Variants in BTK observed in about 807,000 individuals in gnomAD.
BTK encodes tyrosine-protein kinase BTK.
A neutral mutation model predicts 57.4 loss-of-function variants in BTK; 5 were observed. That is an observed-to-expected ratio of 0.09 (90% CI 0.05 to 0.18). The LOEUF (loss-of-function observed/expected upper bound fraction) is 0.18. BTK is among the 10% of genes least tolerant of loss of function. The pLI, the probability that BTK is intolerant of heterozygous loss-of-function variation, is 1.00. For missense variants in BTK, 194 were observed against 501.2 expected, an observed-to-expected ratio of 0.39 and a Z score of 5.85; for synonymous variants, 154 against 174.3, an observed-to-expected ratio of 0.88 and a Z score of 0.92.
chrX:101,360,840 G>T, intron 7 of BTK, 85 bp from the exon 8 acceptor site: 1 of 955,937 alleles, frequency 1.0e-6, no homozygotes. Flanking sequence ...GCTTACTCAA[G>T]ACACCCAAAT....
intron 5 of BTK, among the ~76,000 whole-genome samples, chrX:101,365,475 G>A (rs1414745781): frequency 8.9e-6 from 1 of 112,061 alleles, no homozygotes; most frequent in Non-Finnish European, 1.9e-5. Context: ...CTAATCCAAA[G>A]CTGGTATTTC....
intron 13 of BTK, 104 bp downstream of exon 13, chrX:101,357,405 T>C: frequency 1.4e-6 from 1 of 735,080 alleles, no homozygotes; most frequent in Non-Finnish European, 2.2e-6. Context: ...TTGAGGCAGC[T>C]GCTGCAGAAC....
intron 1 of BTK, among the ~76,000 whole-genome samples, chrX:101,380,547 T>C (rs1927376334): frequency 9.0e-6 from 1 of 111,683 alleles, no homozygotes; most frequent in Non-Finnish European, 1.9e-5. Flanking sequence ...AGAAGTGAGA[T>C]ACAATCTATA....
upstream of BTK, chrX:101,390,767 A>T (rs1368492271): frequency 8.6e-6 from 4 of 463,714 alleles, no homozygotes; most frequent in African/African-American, 9.7e-5. Context: ...ACTACGTAGC[A>T]GAGTCCACCA....
intron 4 of BTK, among the ~76,000 whole-genome samples, chrX:101,371,238 C>T (rs1555980251): frequency 8.9e-6 from 1 of 112,031 alleles, no homozygotes; most frequent in Non-Finnish European, 1.9e-5. Context: ...CTTCCTCATA[C>T]TGAACTTCCT....
chrX:101,363,900 A>G (rs1326931662), intron 5 of BTK, among the ~76,000 whole-genome samples: 3 of 84,174 alleles, frequency 3.6e-5, no homozygotes, highest in South Asian at 1.3e-3. Flanking sequence ...TATTATTATT[A>G]TTATTATTAT....
At chrX:101,368,502 G>C (rs1926929250) in intron 5 of BTK, among the ~76,000 whole-genome samples, 1 of 112,047 alleles carries the variant, frequency 8.9e-6, no homozygotes, top group East Asian at 2.8e-4. Flanking sequence ...TTCACTGTGT[G>C]CCCATGAGCA....
intron 18 of BTK, among the ~76,000 whole-genome samples, chrX:101,351,681 C>T (rs938554182): frequency 9.8e-5 from 11 of 111,688 alleles, no homozygotes; most frequent in Non-Finnish European, 1.9e-5. Flanking sequence ...GTAGAGAAGG[C>T]ATCTTGGGAA....
intron 1 of BTK, among the ~76,000 whole-genome samples, chrX:101,375,804 C>T (rs1236660404): frequency 8.9e-6 from 1 of 111,779 alleles, no homozygotes; most frequent in Non-Finnish European, 1.9e-5. Flanking sequence ...CAAACATTGT[C>T]CCACTGGGGT....
rs374956646 is a variant in BTK, at chrX:101,369,192, ATATT to A, written c.391+802_391+805del. Among the ~76,000 whole-genome samples the A allele has an allele frequency of 9.1e-4, 102 of 112,569 alleles. 1 individual carries two copies. Among genetic ancestry groups the A allele is most frequent in the African/African-American group, 3.0e-3 (94 of 31,046 alleles). ...GGAATATGAAATATTTCCTTGGGAA[ATATT>A]TATCCACAACAAAGAGATGTACAGT... On this transcript the variant is annotated intron_variant, in intron 5 of 18. Coordinates refer to ENST00000308731, the MANE Select transcript of BTK (RefSeq NM_000061.3).
At chrX:101,375,393 G>A (rs1419790839) in intron 1 of BTK, 79 bp from the exon 2 acceptor site, 38 of 990,588 alleles carry the variant, frequency 3.8e-5, no homozygotes, top group Non-Finnish European at 5.1e-5. Flanking sequence ...TAGCTACCTA[G>A]TTTCAAATGG....
intron 3 of BTK, 32 bp downstream of exon 3, chrX:101,374,504 G>A (rs974126365): frequency 1.3e-5 from 15 of 1,119,404 alleles, no homozygotes; most frequent in African/African-American, 1.8e-5. Context: ...CAAATCTGCT[G>A]TTCCCCATCT....
At chrX:101,382,789 G>A (rs1322679386) in intron 1 of BTK, among the ~76,000 whole-genome samples, 2 of 111,252 alleles carry the variant, frequency 1.8e-5, no homozygotes, top group African/African-American at 6.5e-5. Context: ...CTGGACTTGT[G>A]TGCCCTTTTG....
At position 101,353,271 on chromosome X, in the gene BTK, C is replaced by A. The variant is rs1555977331; in HGVS notation, c.1831G>T (p.Ala611Ser). The A allele has an allele frequency of 8.3e-7, 1 of 1,209,037 alleles. No homozygotes were observed. The highest frequency in any genetic ancestry group is 1.1e-6 in the Non-Finnish European group (1 of 893,386). Residue 611 changes from alanine (A) to serine (S), a missense_variant, in exon 18 of 19, where the codon GCC (alanine) becomes TCC (serine). Physicochemically the swap from Ala to Ser is moderately conservative, Grantham distance 99. Around this residue, in one of 3 missense-constraint regions of BTK, gnomAD observed 79 missense variants for 217.7 expected, o/e 0.36. Transcript: ENST00000308731. ...FTNSETAEHI[A>S]QGLRLYRPHL... The stretch of plus-strand genomic sequence containing the variant: ...GGCCTGTAGAGACGTAGGCCTTGGG[C>A]AATGTGTTCAGCAGTCTCACTGTTA...
At chrX:101,389,101 G>A (rs1158408427), upstream of BTK, among the ~76,000 whole-genome samples, 2 of 111,641 alleles carry the variant, frequency 1.8e-5, no homozygotes, top group Non-Finnish European at 3.8e-5. Context: ...TTTGATAAGA[G>A]AGCAGATTTT....
chrX:101,361,959 G>T (rs1175478439), intron 7 of BTK, among the ~76,000 whole-genome samples: 2 of 112,786 alleles, frequency 1.8e-5, no homozygotes, highest in Non-Finnish European at 1.9e-5. Flanking sequence ...ATCAGGTTTT[G>T]TTCTAAACAG....
chrX:101,384,230 G>C (rs2239460), intron 1 of BTK, among the ~76,000 whole-genome samples: 8,735 of 111,774 alleles, frequency 0.078, 296 homozygotes, highest in South Asian at 0.13. Context: ...GCAAATCATA[G>C]TGATAATTTA....
intron 1 of BTK, among the ~76,000 whole-genome samples, chrX:101,376,886 C>T (rs984015213): frequency 8.1e-5 from 9 of 110,911 alleles, no homozygotes; most frequent in Admixed American, 7.7e-4. Context: ...TGAATTTTAT[C>T]AAAGCCTGGG....
upstream of BTK, among the ~76,000 whole-genome samples, chrX:101,388,743 T>C (rs1392318093): frequency 9.0e-6 from 1 of 111,582 alleles, no homozygotes; most frequent in African/African-American, 3.3e-5. Flanking sequence ...GGTTCAGGGG[T>C]TTTTGCTGAT....
Sources: gnomAD v4.1 joint callset for allele counts (sites outside exome capture counted in the v4.1 genomes callset) on GRCh38, gnomAD v4.1.1 for gene constraint, gnomAD v4.1.1 regional missense constraint, MANE v1.5 for transcripts, NCBI Gene and HGNC (gene_info 2026-07-23, HGNC 2026-07-21) for gene names.